The following MED27 variants were observed in gnomAD, a reference collection of about 807,000 sequenced individuals.
The protein encoded by MED27 is mediator of RNA polymerase II transcription subunit 27.
In MED27, 30 loss-of-function variants were observed where a neutral mutation model predicts 38.2. That is an observed-to-expected ratio of 0.79 (90% CI 0.59 to 1.07). MED27 has a LOEUF of 1.07. MED27 is among the 50% of genes least tolerant of loss of function. The pLI is 0.00. For synonymous variants in MED27, 122 were observed against 153.5 expected (o/e 0.79, Z 1.52); for missense variants, 289 against 397.5 (o/e 0.73, Z 2.32).
At chr9:131,874,747 A>C (rs577669123) in intron 6 of MED27, among the ~76,000 whole-genome samples, 12 of 152,302 alleles carry the variant, frequency 7.9e-5, no homozygotes, top group African/African-American at 2.4e-4. Context: ...AAGGCTTTTC[A>C]TTTAGATGAA....
chr9:132,040,807 C>G (rs1833192723), intron 2 of MED27, among the ~76,000 whole-genome samples: 1 of 152,328 alleles, frequency 6.6e-6, no homozygotes, highest in Middle Eastern at 3.4e-3. Context: ...TCTAGGAAGG[C>G]CCAGGCAACG....
chr9:132,024,394 CA>C (rs2131092332), intron 2 of MED27, among the ~76,000 whole-genome samples: 1 of 152,306 alleles, frequency 6.6e-6, no homozygotes, highest in East Asian at 1.9e-4. Flanking sequence ...CAGTGTCCAG[CA>C]CACTGCAAAC....
intron 6 of MED27, among the ~76,000 whole-genome samples, chr9:131,865,653 CCTT>C (rs1394526150): frequency 6.6e-6 from 1 of 152,182 alleles, no homozygotes; most frequent in East Asian, 1.9e-4. Context: ...GTGTGTGACA[CCTT>C]CCCTGCGATA....
chr9:131,901,054 G>C (rs1829936694), intron 4 of MED27, among the ~76,000 whole-genome samples: 1 of 139,038 alleles, frequency 7.2e-6, no homozygotes, highest in Non-Finnish European at 1.5e-5. Flanking sequence ...GGGGGAGAGA[G>C]AGGTGAGAGA....
At chr9:132,068,393 C>T (rs1833856386) in intron 2 of MED27, among the ~76,000 whole-genome samples, 1 of 152,092 alleles carries the variant, frequency 6.6e-6, no homozygotes, top group African/African-American at 2.4e-5. Flanking sequence ...AGGAAATCAC[C>T]GAAGAGTGAC....
At chr9:131,875,414 GGTCT>G (rs1475626094) in intron 6 of MED27, among the ~76,000 whole-genome samples, 2 of 152,184 alleles carry the variant, frequency 1.3e-5, no homozygotes, top group Non-Finnish European at 2.9e-5. Context: ...CACAAACCCA[GGTCT>G]GTCTGACTCC....
chr9:131,897,567 G>A (rs779673526), intron 4 of MED27, among the ~76,000 whole-genome samples: 14 of 152,152 alleles, frequency 9.2e-5, no homozygotes, highest in South Asian at 2.1e-4. Flanking sequence ...TGAGAAATAC[G>A]TACTGAAATA....
intron 5 of MED27, among the ~76,000 whole-genome samples, chr9:131,887,668 T>G (rs1285948377): frequency 6.6e-6 from 1 of 152,218 alleles, no homozygotes; most frequent in Non-Finnish European, 1.5e-5. Flanking sequence ...AATTCTTTGC[T>G]GGCTGCAATA....
At chr9:132,028,784 C>T (rs1259864881) in intron 2 of MED27, among the ~76,000 whole-genome samples, 4 of 152,144 alleles carry the variant, frequency 2.6e-5, no homozygotes, top group Non-Finnish European at 1.5e-5. Flanking sequence ...AGAGTGCTTG[C>T]CAAAAGTGCA....
At chr9:131,936,132 C>T (rs1347951392) in intron 4 of MED27, among the ~76,000 whole-genome samples, 2 of 84,306 alleles carry the variant, frequency 2.4e-5, no homozygotes, top group Non-Finnish European at 4.9e-5. Flanking sequence ...GACCCTGTCT[C>T]AAAAAAAAAA....
chr9:132,055,086 C>T lies in MED27; in HGVS notation c.348+22356G>A, dbSNP rs116863547. ...CTTCCTTGCTGTCCCCCTCACTGCCCTGGAAGCGCTGTGAAGGCAGGGCCT... is the reference window on the plus strand; with the variant it reads ...CTTCCTTGCTGTCCCCCTCACTGCCTTGGAAGCGCTGTGAAGGCAGGGCCT... On this transcript the variant is annotated intron_variant, in intron 2 of 7. Coordinates refer to ENST00000292035, the MANE Select transcript of MED27 (RefSeq NM_004269.4). Among the ~76,000 whole-genome samples, 23 of 152,300 alleles carry T rather than the reference C, an allele frequency of 1.5e-4. No individual in the cohort carries two copies. In the East Asian group the frequency reaches 4.4e-3, roughly 29 times the overall value.
At chr9:132,078,118 G>A (rs1056102519) in intron 1 of MED27, among the ~76,000 whole-genome samples, 3 of 152,188 alleles carry the variant, frequency 2.0e-5, no homozygotes, top group Non-Finnish European at 4.4e-5. Flanking sequence ...AGACACCACT[G>A]AGGTGGCTGT....
At chr9:131,904,187 C>T (rs572644140) in intron 4 of MED27, among the ~76,000 whole-genome samples, 4 of 152,048 alleles carry the variant, frequency 2.6e-5, no homozygotes, top group Non-Finnish European at 5.9e-5. Flanking sequence ...GCGTGAGCCA[C>T]TGCGACCAGC....
At chr9:131,884,126 C>T (rs753947853) in intron 5 of MED27, 27 bp from the exon 6 acceptor site, 1 of 1,581,456 alleles carries the variant, frequency 6.3e-7, no homozygotes, top group African/African-American at 1.4e-5. Flanking sequence ...GAAGGATCAT[C>T]AGCATCGGTC....
At chr9:132,033,851 G>T (rs4531171) in intron 2 of MED27, among the ~76,000 whole-genome samples, 23,046 of 152,098 alleles carry the variant, frequency 0.15, 1,853 homozygotes, top group East Asian at 0.31. Context: ...TCATAACTTG[G>T]TTATTAAAAA....
At chr9:132,012,465 C>A (rs1744036386) in intron 3 of MED27, among the ~76,000 whole-genome samples, 1 of 152,172 alleles carries the variant, frequency 6.6e-6, no homozygotes, top group South Asian at 2.1e-4. Flanking sequence ...TGGTTACATT[C>A]CTCCTATCCT....
Position 132,026,219 on chromosome 9 carries a change from C to T in MED27, c.349-11752G>A, listed in dbSNP as rs922521002. On this transcript the variant is annotated intron_variant, in intron 2 of 7. Coordinates refer to ENST00000292035, the MANE Select transcript of MED27 (RefSeq NM_004269.4). The stretch of plus-strand genomic sequence containing the variant: ...CGCATCCATCACCAACCACGTCCAT[C>T]CAGAGGAAGAGCCCAGATATGGAAA... 1.1e-4 allele frequency among the ~76,000 whole-genome samples: 16 copies of T among 152,350 alleles called. No homozygotes were observed. The Middle Eastern group carries it at 0.014, about 130-fold the overall frequency.
intron 1 of MED27, among the ~76,000 whole-genome samples, 159 bp downstream of exon 1, chr9:132,079,483 T>C (rs529765811): frequency 7.2e-5 from 11 of 152,214 alleles, no homozygotes; most frequent in African/African-American, 2.4e-4. Context: ...GGTGTTAAGA[T>C]GTCCCTGAGG....
chr9:132,037,961 C>A lies in MED27; in HGVS notation c.349-23494G>T, dbSNP rs114504452. On this transcript the variant is annotated intron_variant, in intron 2 of 7. Transcript: ENST00000292035. The stretch of plus-strand genomic sequence containing the variant: ...CCCACGAATCTCACATCCTAGGGTG[C>A]GTGAGGGTGGATTTGTGATGCATTG... Among the ~76,000 whole-genome samples the A allele has an allele frequency of 8.6e-3, 1,303 of 152,112 alleles. 15 individuals are homozygous for A. The highest frequency in any genetic ancestry group is 0.029 in the African/African-American group (1,199 of 41,492).
Sources: gnomAD v4.1 joint callset for allele counts (sites outside exome capture counted in the v4.1 genomes callset) on GRCh38, gnomAD v4.1.1 for gene constraint, MANE v1.5 for transcripts, NCBI Gene and HGNC (gene_info 2026-07-23, HGNC 2026-07-21) for gene names.